The following CLSTN2 variants were observed in gnomAD, a reference collection of about 807,000 sequenced individuals.
CLSTN2 encodes the protein calsyntenin 2.
Under a neutral mutation model 101.2 loss-of-function variants are expected in CLSTN2, and 48 were observed. The observed-to-expected ratio is 0.47, with a 90% CI of 0.38 to 0.60. The LOEUF (loss-of-function observed/expected upper bound fraction) is 0.60, where lower values mean the gene tolerates loss of function less well. CLSTN2 is among the 20% of genes least tolerant of loss of function. CLSTN2 has a pLI of 0.00. For synonymous variants in CLSTN2, 481 were observed against 463.6 expected, an observed-to-expected ratio of 1.04 and a Z score of -0.48; for missense variants, 1,160 against 1,238.2, an observed-to-expected ratio of 0.94 and a Z score of 0.95.
intron 9 of CLSTN2, among the ~76,000 whole-genome samples, chr3:140,546,276 C>T (rs539565863): frequency 1.3e-5 from 2 of 152,342 alleles, no homozygotes; most frequent in East Asian, 3.9e-4. Flanking sequence ...TTGAAAATAA[C>T]CTTTAAAATT....
At chr3:140,156,655 TCTC>T (rs1319510124) in intron 1 of CLSTN2, among the ~76,000 whole-genome samples, 1 of 152,190 alleles carries the variant, frequency 6.6e-6, no homozygotes, top group Non-Finnish European at 1.5e-5. Context: ...AAGCAGACCT[TCTC>T]CTCGAAGAGG....
At chr3:140,368,601 T>C (rs1423991842) in intron 2 of CLSTN2, among the ~76,000 whole-genome samples, 1 of 152,156 alleles carries the variant, frequency 6.6e-6, no homozygotes, top group Non-Finnish European at 1.5e-5. Flanking sequence ...AACCTCACCA[T>C]CATGAATAGG....
chr3:140,563,928 C>T, intron 15 of CLSTN2, 33 bp from the exon 16 acceptor site: 1 of 1,607,118 alleles, frequency 6.2e-7, no homozygotes, highest in Non-Finnish European at 8.5e-7. Context: ...GGCCTTTGTT[C>T]ACCATGTCAT....
At chr3:140,320,675 A>G (rs75658440) in intron 2 of CLSTN2, among the ~76,000 whole-genome samples, 3,413 of 151,760 alleles carry the variant, frequency 0.022, 123 homozygotes, top group African/African-American at 0.076. Flanking sequence ...TGCATAATGT[A>G]TGTATTGACT....
chr3:140,362,454 T>A (rs1184994566), intron 2 of CLSTN2, among the ~76,000 whole-genome samples: 1 of 152,192 alleles, frequency 6.6e-6, no homozygotes, highest in Non-Finnish European at 1.5e-5. Flanking sequence ...AACATTTATA[T>A]AATGGAGTTA....
chr3:140,245,657 C>G (rs1047628537), intron 2 of CLSTN2, among the ~76,000 whole-genome samples: 29 of 11,876 alleles, frequency 2.4e-3, no homozygotes, highest in Non-Finnish European at 6.6e-4. Context: ...TAGCTCCGCC[C>G]TCCCACAAAA....
chr3:140,309,626 G>A (rs375337493), intron 2 of CLSTN2, among the ~76,000 whole-genome samples: 1 of 152,050 alleles, frequency 6.6e-6, no homozygotes, highest in African/African-American at 2.4e-5. Flanking sequence ...GGCACAGCAG[G>A]GTCCCTCAGT....
At chr3:140,117,785 A>T (rs559622460) in intron 1 of CLSTN2, among the ~76,000 whole-genome samples, 2 of 152,192 alleles carry the variant, frequency 1.3e-5, no homozygotes, top group Non-Finnish European at 2.9e-5. Flanking sequence ...TGGGAAAACC[A>T]GGGAGGCAAA....
chr3:140,038,062 A>G (rs1467962944), intron 1 of CLSTN2, among the ~76,000 whole-genome samples: 1 of 152,206 alleles, frequency 6.6e-6, no homozygotes. Flanking sequence ...GTATATACCC[A>G]GTAATGGGAT....
intron 1 of CLSTN2, among the ~76,000 whole-genome samples, chr3:140,119,603 C>G (rs982698178): frequency 6.6e-6 from 1 of 152,114 alleles, no homozygotes; most frequent in African/African-American, 2.4e-5. Flanking sequence ...CAGCCTTGAC[C>G]TCTCAGGCTC....
At chr3:140,029,508 A>G (rs764494050) in intron 1 of CLSTN2, among the ~76,000 whole-genome samples, 1 of 152,154 alleles carries the variant, frequency 6.6e-6, no homozygotes, top group Non-Finnish European at 1.5e-5. Context: ...CTGATTTTTA[A>G]TGTTATTGTT....
Position 140,258,637 on chromosome 3 carries a change from A to G in CLSTN2, c.232+82564A>G, listed in dbSNP as rs143228575. On this transcript the variant is annotated intron_variant, in intron 2 of 16. Coordinates refer to ENST00000458420, the MANE Select transcript of CLSTN2 (RefSeq NM_022131.3). The stretch of plus-strand genomic sequence containing the variant: ...AATTTTCTACTTGCAGTTAAATTCT[A>G]TAACTTCCTTCTTATTAATCTTTTC... Among the ~76,000 whole-genome samples, 422 of 152,330 alleles carry G rather than the reference A, an allele frequency of 2.8e-3. 1 individual carries two copies. The highest frequency in any genetic ancestry group is 9.4e-3 in the African/African-American group (392 of 41,584).
Position 140,326,593 on chromosome 3 carries a change from T to C in CLSTN2, c.233-77036T>C, listed in dbSNP as rs567245254. Among the ~76,000 whole-genome samples the C allele has an allele frequency of 2.0e-5, 3 of 152,322 alleles. No homozygotes were observed. In the South Asian group the frequency reaches 6.2e-4, roughly 32 times the overall value. ...ATGGCGTATTTAATATTCAAGGCTATGGTTTATTTTTCCATCTCAGATTCC... is the reference window on the plus strand; with the variant it reads ...ATGGCGTATTTAATATTCAAGGCTACGGTTTATTTTTCCATCTCAGATTCC... On this transcript the variant is annotated intron_variant, in intron 2 of 16. Coordinates refer to ENST00000458420, the MANE Select transcript of CLSTN2 (RefSeq NM_022131.3).
At chr3:140,233,677 A>C (rs552975444) in intron 2 of CLSTN2, among the ~76,000 whole-genome samples, 25 of 152,338 alleles carry the variant, frequency 1.6e-4, no homozygotes, top group African/African-American at 5.3e-4. Context: ...TGACTCTGTT[A>C]AAGCTTGTGG....
chr3:140,268,823 C>T (rs926354834), intron 2 of CLSTN2, among the ~76,000 whole-genome samples: 1 of 152,168 alleles, frequency 6.6e-6, no homozygotes, highest in Non-Finnish European at 1.5e-5. Context: ...TTACGCAACC[C>T]ACTTGCCCTC....
At chr3:140,456,374 A>G (rs1025646154) in intron 6 of CLSTN2, among the ~76,000 whole-genome samples, 3 of 152,192 alleles carry the variant, frequency 2.0e-5, no homozygotes, top group Non-Finnish European at 4.4e-5. Context: ...CTGGAATCTT[A>G]ACGATATTCA....
At chr3:140,313,065 T>C (rs949227748) in intron 2 of CLSTN2, among the ~76,000 whole-genome samples, 2 of 152,200 alleles carry the variant, frequency 1.3e-5, no homozygotes, top group Admixed American at 1.3e-4. Context: ...AATCAAGTAA[T>C]GTGCCATTCA....
intron 2 of CLSTN2, among the ~76,000 whole-genome samples, chr3:140,179,419 A>ACCGG (rs2107830655): frequency 6.6e-6 from 1 of 150,988 alleles, no homozygotes; most frequent in South Asian, 2.1e-4. Flanking sequence ...GGAGTTTGAT[A>ACCGG]CCGGCCTGGG....
chr3:140,221,869 G>A (rs1051033885), intron 2 of CLSTN2, among the ~76,000 whole-genome samples: 5 of 152,170 alleles, frequency 3.3e-5, no homozygotes, highest in East Asian at 3.9e-4. Context: ...ACTATTGGTG[G>A]GAAAGTAAAT....
Sources: allele counts gnomAD v4.1 joint callset (sites outside exome capture counted in the v4.1 genomes callset), GRCh38; gene constraint gnomAD v4.1.1; transcripts MANE v1.5; gene names NCBI Gene and HGNC (gene_info 2026-07-23, HGNC 2026-07-21).